ULK4: variants seen among roughly 807,000 people sequenced by gnomAD.
ULK4 encodes the protein unc-51 like kinase 4, also known as inactive serine/threonine-protein kinase ULK4.
Under a neutral mutation model 160.6 loss-of-function variants are expected in ULK4, and 133 were observed. That is an observed-to-expected ratio of 0.83 (90% CI 0.72 to 0.96). The LOEUF (loss-of-function observed/expected upper bound fraction) is 0.96. Among genes scored for constraint, ULK4 ranks in the 40% least tolerant of loss-of-function variants. ULK4 has a pLI of 0.00. For synonymous variants in ULK4, 534 were observed against 539.8 expected, an observed-to-expected ratio of 0.99 and a Z score of 0.15; for missense variants, 1,580 against 1,499.5, an observed-to-expected ratio of 1.05 and a Z score of -0.89.
chr3:41,667,316 C>A (rs1301534198), intron 29 of ULK4, among the ~76,000 whole-genome samples: 1 of 152,068 alleles, frequency 6.6e-6, no homozygotes, highest in African/African-American at 2.4e-5. Context: ...TAAAGAATAT[C>A]GTTCTGTTTT....
At chr3:41,533,851 A>C (rs1243909372) in intron 32 of ULK4, among the ~76,000 whole-genome samples, 1 of 152,196 alleles carries the variant, frequency 6.6e-6, no homozygotes, top group East Asian at 1.9e-4. Context: ...TCTTTCGCCC[A>C]GGCCGGACTG....
intron 35 of ULK4, among the ~76,000 whole-genome samples, chr3:41,301,627 A>G (rs1315605294): frequency 6.6e-6 from 1 of 152,250 alleles, no homozygotes. Context: ...ATCTGAGGAA[A>G]TGCATTTACT....
intron 35 of ULK4, among the ~76,000 whole-genome samples, chr3:41,305,198 CTCT>C (rs2079881831): frequency 9.2e-6 from 1 of 108,870 alleles, no homozygotes; most frequent in African/African-American, 4.3e-5. Context: ...CTCCCTCTCC[CTCT>C]CCCTCTCCCC....
At chr3:41,555,524 G>A (rs2087258136) in intron 32 of ULK4, among the ~76,000 whole-genome samples, 1 of 152,110 alleles carries the variant, frequency 6.6e-6, no homozygotes, top group Non-Finnish European at 1.5e-5. Flanking sequence ...AAAAATAAGA[G>A]ATGCTAGCAA....
At chr3:41,324,009 G>C (rs2080295923) in intron 35 of ULK4, among the ~76,000 whole-genome samples, 1 of 152,160 alleles carries the variant, frequency 6.6e-6, no homozygotes. Context: ...TCACTTTAAG[G>C]GATTATGCCT....
intron 17 of ULK4, among the ~76,000 whole-genome samples, chr3:41,855,849 C>T (rs151336265): frequency 6.6e-6 from 1 of 152,112 alleles, no homozygotes; most frequent in African/African-American, 2.4e-5. Context: ...GGATTACTAA[C>T]TTACACTACA....
chr3:41,864,327 T>C (rs2042569183), intron 17 of ULK4, among the ~76,000 whole-genome samples: 1 of 151,368 alleles, frequency 6.6e-6, no homozygotes, highest in Non-Finnish European at 1.5e-5. Flanking sequence ...GATCAGGGAG[T>C]GGTGTTGGCA....
chr3:41,642,369 G>C (rs1349344187), intron 30 of ULK4, among the ~76,000 whole-genome samples: 1 of 151,906 alleles, frequency 6.6e-6, no homozygotes, highest in East Asian at 1.9e-4. Context: ...TCCCCAGAGA[G>C]TGATGTTCCC....
intron 35 of ULK4, among the ~76,000 whole-genome samples, chr3:41,319,487 G>T (rs1040036276): frequency 2.0e-5 from 3 of 152,138 alleles, no homozygotes; most frequent in South Asian, 4.1e-4. Flanking sequence ...GAACCTACAG[G>T]CCTCTGACTC....
intron 31 of ULK4, among the ~76,000 whole-genome samples, chr3:41,587,900 T>C (rs1443325185): frequency 1.3e-5 from 2 of 150,760 alleles, no homozygotes; most frequent in Non-Finnish European, 2.9e-5. Context: ...TTGAAGACAA[T>C]TGAAAAGTGA....
intron 31 of ULK4, among the ~76,000 whole-genome samples, chr3:41,606,918 C>T (rs572390178): frequency 3.3e-5 from 5 of 152,108 alleles, no homozygotes; most frequent in Admixed American, 2.6e-4. Context: ...GTTGTCTCTT[C>T]GTCCTGTTTA....
chr3:41,939,993 C>CA (rs1386686174), intron 2 of ULK4, among the ~76,000 whole-genome samples: 4 of 151,270 alleles, frequency 2.6e-5, no homozygotes, highest in Non-Finnish European at 5.9e-5. Flanking sequence ...TCCCTGGTGT[C>CA]AAAACAAGTT....
chr3:41,547,525 T>A (rs2086905673), intron 32 of ULK4, among the ~76,000 whole-genome samples: 1 of 152,118 alleles, frequency 6.6e-6, no homozygotes, highest in African/African-American at 2.4e-5. Flanking sequence ...ACCCTAGCCA[T>A]GGGAGAGCTC....
chr3:41,280,708 A>G (rs1010402285), intron 35 of ULK4, among the ~76,000 whole-genome samples: 40 of 152,340 alleles, frequency 2.6e-4, no homozygotes, highest in African/African-American at 9.4e-4. Context: ...AGAGAGCAGG[A>G]AAGATCTAAA....
In ULK4 at chr3:41,270,286, A is replaced by G. The variant is rs186236937; in HGVS notation, c.3679-20712T>C. ...AGAGCTGGGGCTGGAGAGTCATGCT[A>G]AGTACTCAATCCATCATTCCCAACC... is the stretch of plus-strand genomic sequence containing the variant. On this transcript the variant is annotated intron_variant, in intron 35 of 36. Transcript: ENST00000301831. 1.4e-4 allele frequency among the ~76,000 whole-genome samples: 22 copies of G among 152,066 alleles called. No individual in the cohort carries two copies. In the East Asian group the frequency reaches 4.1e-3, roughly 28 times the overall value.
chr3:41,901,504 A>G (rs1575916038), intron 12 of ULK4, among the ~76,000 whole-genome samples: 2 of 14,604 alleles, frequency 1.4e-4, no homozygotes, highest in Non-Finnish European at 1.9e-3. Flanking sequence ...TTTTTGAGAT[A>G]GAGTCTCACT....
chr3:41,378,946 A>G (rs552175545), intron 35 of ULK4, among the ~76,000 whole-genome samples: 1 of 152,230 alleles, frequency 6.6e-6, no homozygotes, highest in South Asian at 2.1e-4. Context: ...TCAGCAAACT[A>G]ACACAGGAAC....
chr3:41,629,526 G>A (rs2033664301), intron 30 of ULK4, among the ~76,000 whole-genome samples: 1 of 152,146 alleles, frequency 6.6e-6, no homozygotes, highest in Non-Finnish European at 1.5e-5. Context: ...GCATGCGCAA[G>A]TTATGAAGGC....
intron 32 of ULK4, among the ~76,000 whole-genome samples, chr3:41,469,585 T>C (rs1280226185): frequency 1.9e-5 from 1 of 53,548 alleles, no homozygotes; most frequent in African/African-American, 7.9e-5. Context: ...AATGAAAGAG[T>C]GAAGGCCTAC....
Sources: allele counts gnomAD v4.1 joint callset (sites outside exome capture counted in the v4.1 genomes callset), GRCh38; gene constraint gnomAD v4.1.1; transcripts MANE v1.5; gene names NCBI Gene and HGNC (gene_info 2026-07-23, HGNC 2026-07-21).